Variants in SNX9 observed in about 807,000 individuals in gnomAD.
The protein encoded by SNX9 is sorting nexin 9.
In SNX9, 44 loss-of-function variants were observed where a neutral mutation model predicts 89.4. The ratio of observed to expected loss-of-function variants is 0.49; its 90% CI spans 0.39 to 0.63. SNX9 has a LOEUF of 0.63. Ranked by LOEUF, SNX9 falls within the 30% of genes least tolerant of loss-of-function variation. The probability of loss-of-function intolerance (pLI) is 0.00; values close to 1 mark genes in which losing one functional copy is unlikely to be tolerated. For missense variants in SNX9, 578 were observed against 736.1 expected (o/e 0.79, Z 2.49); for synonymous variants, 236 against 247.8 (o/e 0.95, Z 0.45).
chr6:157,869,993 C>G (rs934286456), intron 2 of SNX9, among the ~76,000 whole-genome samples: 3 of 152,038 alleles, frequency 2.0e-5, no homozygotes, highest in Non-Finnish European at 4.4e-5. Context: ...CCTTCTCACT[C>G]TCACCTCTCA....
chr6:157,903,223 G>T (rs1238151455), intron 6 of SNX9, among the ~76,000 whole-genome samples: 2 of 152,044 alleles, frequency 1.3e-5, no homozygotes, highest in Non-Finnish European at 2.9e-5. Context: ...ATGATTCAAG[G>T]CAGATATCAA....
chr6:157,867,700 G>C, intron 2 of SNX9, 67 bp downstream of exon 2: 1 of 1,317,840 alleles, frequency 7.6e-7, no homozygotes, highest in Non-Finnish European at 1.1e-6. Context: ...TCCGGTAAGA[G>C]AACTGTACAT....
rs563910219 is a variant in SNX9 at position 157,901,465 on chromosome 6, G to A, written c.473-433G>A. 1.2e-4 allele frequency among the ~76,000 whole-genome samples: 19 copies of A among 152,272 alleles called. No individual in the cohort carries two copies. In the East Asian group the frequency reaches 3.3e-3, roughly 26 times the overall value. On this transcript the variant is annotated intron_variant, in intron 5 of 17. Transcript: ENST00000392185. ...CTGTGTTTCCTTCTAGGAGTTGTGT[G>A]GTTTCAGGTCTTCCATTTAGGTCTG...
chr6:157,887,673 A>G (rs1452961874), intron 4 of SNX9, among the ~76,000 whole-genome samples: 3 of 152,022 alleles, frequency 2.0e-5, no homozygotes, highest in East Asian at 1.9e-4. Flanking sequence ...ATATTTCATC[A>G]TATTTTTTGT....
At chr6:157,937,343 C>T in intron 14 of SNX9, 91 bp from the exon 15 acceptor site, 1 of 849,746 alleles carries the variant, frequency 1.2e-6, no homozygotes, top group Admixed American at 2.1e-5. Context: ...GTAGCACATG[C>T]AGGATTTATA....
intron 13 of SNX9, among the ~76,000 whole-genome samples, chr6:157,933,387 G>T (rs1275203274): frequency 6.6e-6 from 1 of 152,200 alleles, no homozygotes; most frequent in Non-Finnish European, 1.5e-5. Flanking sequence ...ATTGGTACAG[G>T]TGTTGATCCT....
At chr6:157,940,534 C>T (rs1406779159) in intron 16 of SNX9, among the ~76,000 whole-genome samples, 1 of 152,222 alleles carries the variant, frequency 6.6e-6, no homozygotes, top group Non-Finnish European at 1.5e-5. Flanking sequence ...TCTCCTGCCT[C>T]GGCCTCCCAA....
At chr6:157,865,074 T>C (rs1238822688) in intron 1 of SNX9, among the ~76,000 whole-genome samples, 1 of 152,032 alleles carries the variant, frequency 6.6e-6, no homozygotes, top group East Asian at 1.9e-4. Context: ...GCATGGTGGC[T>C]CACGCCTGTA....
chr6:157,894,521 A>G (rs1433735621), intron 4 of SNX9, among the ~76,000 whole-genome samples: 1 of 148,958 alleles, frequency 6.7e-6, no homozygotes, highest in East Asian at 2.0e-4. Context: ...CAAGGGTGGG[A>G]TGGTGGGGGC....
At chr6:157,827,030 AT>A (rs1781378764) in intron 1 of SNX9, among the ~76,000 whole-genome samples, 1 of 13,934 alleles carries the variant, frequency 7.2e-5, no homozygotes, top group Non-Finnish European at 9.5e-5. Context: ...TAATATATAC[AT>A]ATATATTATA....
At chr6:157,928,743 G>C in intron 12 of SNX9, 41 bp downstream of exon 12, 2 of 1,455,736 alleles carry the variant, frequency 1.4e-6, no homozygotes, top group Non-Finnish European at 1.8e-6. Context: ...CGTAGGGGGT[G>C]ATGCAGGCTC....
At chr6:157,883,737 C>G (rs993218799) in intron 4 of SNX9, among the ~76,000 whole-genome samples, 1 of 152,200 alleles carries the variant, frequency 6.6e-6, no homozygotes, top group Non-Finnish European at 1.5e-5. Context: ...GTGACTCCTT[C>G]CATCTTTCAG....
At chr6:157,921,883 G>A (rs1489765993) in intron 10 of SNX9, among the ~76,000 whole-genome samples, 1 of 152,202 alleles carries the variant, frequency 6.6e-6, no homozygotes, top group African/African-American at 2.4e-5. Flanking sequence ...GAGTGGGTTG[G>A]CTCAAGATGG....
chr6:157,825,408 T>C (rs1379171498), intron 1 of SNX9, among the ~76,000 whole-genome samples: 2 of 152,246 alleles, frequency 1.3e-5, no homozygotes, highest in Admixed American at 1.3e-4. Flanking sequence ...AGTGCAGGTA[T>C]ATATAGTGAA....
At chr6:157,915,640 A>AATATATATATATATATATATATATAT (rs1411739606) in intron 9 of SNX9, among the ~76,000 whole-genome samples, 1 of 95,108 alleles carries the variant, frequency 1.1e-5, no homozygotes, top group African/African-American at 4.6e-5. Context: ...AAAAAAAAAA[A>AATATATATATATATATATATATATAT]ATATATATAT....
rs182633985 is a variant in SNX9 at position 157,935,939 on chromosome 6, C to T, written c.1367-25C>T. On this transcript the variant is annotated intron_variant, in intron 13 of 17. Coordinates refer to ENST00000392185, the MANE Select transcript of SNX9 (RefSeq NM_016224.5). ...AAAGAAAATATGCATAACTTATAAC[C>T]ACTGATAAAATTGATCATTTTCAGG... 14 of 1,551,528 alleles carry T rather than the reference C, an allele frequency of 9.0e-6. No homozygotes were observed. The East Asian group carries it at 1.8e-4, about 20-fold the overall frequency.
chr6:157,875,064 A>G lies in SNX9; in HGVS notation c.188A>G (p.Asp63Gly). Residue 63 changes from aspartate to glycine, a missense_variant, in exon 4 of 18, where the codon GAT becomes GGT. This residue lies in a region of SNX9 where 230 missense variants were observed against 244.7 expected (regional missense o/e 0.94). Coordinates refer to ENST00000392185, the MANE Select transcript of SNX9 (RefSeq NM_016224.5). ...TCTCCTATTCAGATTTTACCCAGTGATGGAAAAGATCAATTTTCTTGTGGA... is the reference window on the plus strand; with the variant it reads ...TCTCCTATTCAGATTTTACCCAGTGGTGGAAAAGATCAATTTTCTTGTGGA... The part of the protein sequence containing the change: ...PTDYVEILPS[D>G]GKDQFSCGNS... The G allele has an allele frequency of 6.2e-7, 1 of 1,613,938 alleles. No homozygotes were observed. The highest frequency in any genetic ancestry group is 8.5e-7 in the Non-Finnish European group (1 of 1,179,926).
Position 157,826,802 on chromosome 6 carries a change from TATTTTATATATAA to T in SNX9, c.12+3359_12+3371del, listed in dbSNP as rs1781357029. 2.0e-5 allele frequency among the ~76,000 whole-genome samples: 2 copies of T among 100,704 alleles called. 1 individual carries two copies. Among genetic ancestry groups the T allele is most frequent in the African/African-American group, 1.3e-4 (2 of 15,406 alleles). 66.1% of individuals were successfully genotyped at this position (100,704 alleles called of 152,430 possible). ...TATATTATATTATATATATATATTA[TATTTTATATATAA>T]ATATATATTATATTTTATATATATA... On this transcript the variant is annotated intron_variant, in intron 1 of 17. Coordinates refer to ENST00000392185, the MANE Select transcript of SNX9 (RefSeq NM_016224.5).
intron 4 of SNX9, among the ~76,000 whole-genome samples, chr6:157,895,101 A>G (rs1782952119): frequency 6.6e-6 from 1 of 151,416 alleles, no homozygotes; most frequent in African/African-American, 2.5e-5. Flanking sequence ...GTAGGTAAAC[A>G]TATGTAACAT....
Sources: gnomAD v4.1 joint callset for allele counts (sites outside exome capture counted in the v4.1 genomes callset) on GRCh38, gnomAD v4.1.1 for gene constraint, gnomAD v4.1.1 regional missense constraint, MANE v1.5 for transcripts, NCBI Gene and HGNC (gene_info 2026-07-23, HGNC 2026-07-21) for gene names.